CACNA1B: variants seen among roughly 807,000 people sequenced by gnomAD.
The protein encoded by CACNA1B is voltage-dependent N-type calcium channel subunit alpha-1B.
Under a neutral mutation model 247.2 loss-of-function variants are expected in CACNA1B, and 70 were observed. The observed-to-expected ratio is 0.28, with a 90% CI of 0.23 to 0.35. CACNA1B has a LOEUF of 0.35. Ranked by LOEUF, CACNA1B falls within the 10% of genes least tolerant of loss-of-function variation. CACNA1B has a pLI of 1.00. For synonymous variants in CACNA1B, 1,231 were observed against 1,294.4 expected, an observed-to-expected ratio of 0.95 and a Z score of 1.05; for missense variants, 2,367 against 3,197.4, an observed-to-expected ratio of 0.74 and a Z score of 6.26.
rs901226683 is a variant in CACNA1B, at chr9:137,891,365, C to T, written c.530+8482C>T. 2.0e-5 allele frequency: 3 copies of T among 152,728 alleles called. No individual in the cohort carries two copies. Among genetic ancestry groups the T allele is most frequent in the African/African-American group, 4.8e-5 (2 of 41,430 alleles). 9.5% of individuals were successfully genotyped at this position (152,728 alleles called of 1,614,324 possible). ...CGCCCCTCCTGGGGGCTGGCCTGTT[C>T]GAAGCCGTCCGTGGCCTCCGGTCCA... On this transcript the variant is annotated intron_variant, in intron 3 of 46. Coordinates refer to ENST00000371372, the MANE Select transcript of CACNA1B (RefSeq NM_000718.4). The surrounding 1 kb of genome is among the most constrained non-coding windows in gnomAD (Gnocchi z 4.3).
intron 11 of CACNA1B, among the ~76,000 whole-genome samples, chr9:137,972,192 G>T (rs1020688869): frequency 6.6e-6 from 1 of 152,254 alleles, no homozygotes; most frequent in African/African-American, 2.4e-5. Context: ...GCCCCTCCAG[G>T]CCTGGTCTGT....
chr9:137,912,025 A>G (rs1957365031), intron 3 of CACNA1B, among the ~76,000 whole-genome samples: 1 of 152,220 alleles, frequency 6.6e-6, no homozygotes, highest in African/African-American at 2.4e-5. Context: ...ACAACTCTGA[A>G]CTTTAGAAAA....
intron 15 of CACNA1B, among the ~76,000 whole-genome samples, chr9:138,005,331 A>G (rs1277738431): frequency 6.6e-6 from 1 of 152,262 alleles, no homozygotes; most frequent in African/African-American, 2.4e-5. Context: ...ATGGAAGTGG[A>G]TGTCATTAAG....
At chr9:137,966,988 AC>A (rs1037692572) in intron 10 of CACNA1B, among the ~76,000 whole-genome samples, 2 of 141,748 alleles carry the variant, frequency 1.4e-5, no homozygotes, top group African/African-American at 2.8e-5. Flanking sequence ...TAAAAAAAAA[AC>A]CCAGTTGTAT....
In CACNA1B at chr9:137,973,365, G is replaced by A. The variant is rs985390360; in HGVS notation, c.1543+1773G>A. 6.6e-6 allele frequency among the ~76,000 whole-genome samples: 1 copy of A among 152,234 alleles called. No homozygotes were observed. The highest frequency in any genetic ancestry group is 2.1e-4 in the South Asian group (1 of 4,836). On this transcript the variant is annotated intron_variant, in intron 11 of 46. Transcript: ENST00000371372. The surrounding 1 kb of genome is among the most constrained non-coding windows in gnomAD (Gnocchi z 4.1). ...GGACAGGCTTGCCAGAGGCGAGGGG[G>A]TGTGGCCGCCCAGCCTAGAGCAGCT...
At chr9:137,920,760 C>G (rs1337060166) in intron 6 of CACNA1B, among the ~76,000 whole-genome samples, 13 of 152,334 alleles carry the variant, frequency 8.5e-5, no homozygotes, top group Non-Finnish European at 7.3e-5. Context: ...AGATCCATAG[C>G]TGCATTTTGA....
At chr9:137,940,215 C>G (rs1261631470) in intron 6 of CACNA1B, among the ~76,000 whole-genome samples, 1 of 152,066 alleles carries the variant, frequency 6.6e-6, no homozygotes, top group Non-Finnish European at 1.5e-5. Context: ...CAAAGAAGCT[C>G]AATTAGAAAT....
chr9:138,082,670 G>A (rs1960562213), intron 36 of CACNA1B, among the ~76,000 whole-genome samples: 1 of 151,300 alleles, frequency 6.6e-6, no homozygotes, highest in Non-Finnish European at 1.5e-5. Flanking sequence ...TTAACAAAAT[G>A]TATAAAGAAC....
Position 137,955,812 on chromosome 9 carries a change from G to A in CACNA1B, c.1185G>A (p.Ala395=), listed in dbSNP as rs376560399. 24 of 1,590,524 alleles carry A rather than the reference G, an allele frequency of 1.5e-5. No individual in the cohort carries two copies. Among genetic ancestry groups the A allele is most frequent in the South Asian group, 4.5e-5 (4 of 88,982 alleles). ...GGTACCTGGAGTGGATCTTCAAGGC[G>A]GGTGAGGGCCCGTGGGAGCCACTGC... is the stretch of plus-strand genomic sequence containing the variant. ...LNGYLEWIFK[A]EEVMLAEEDR... is the part of the protein sequence containing the mutation. Residue 395 remains alanine, a splice_region_variant and synonymous_variant, in exon 8 of 47, where the codon GCG becomes GCA. Coordinates refer to ENST00000371372, the MANE Select transcript of CACNA1B (RefSeq NM_000718.4). This position sits in a 1 kb window ranked among gnomAD's most constrained non-coding sequence, Gnocchi z 6.9.
rs1960151825 is a variant in CACNA1B at position 138,072,058 on chromosome 9, G to T, written c.4675-1430G>T. Among the ~76,000 whole-genome samples the T allele has an allele frequency of 6.6e-6, 1 of 152,012 alleles. No individual in the cohort carries two copies. The highest frequency in any genetic ancestry group is 1.5e-5 in the Non-Finnish European group (1 of 68,004). ...CTACCGTGGAGATTTTCTTTCCCTG[G>T]CACAAGCAGATTACGGAGCTACAGG... On this transcript the variant is annotated intron_variant, in intron 32 of 46. Coordinates refer to ENST00000371372, the MANE Select transcript of CACNA1B (RefSeq NM_000718.4). This position sits in a 1 kb window ranked among gnomAD's most constrained non-coding sequence, Gnocchi z 4.5.
intron 16 of CACNA1B, among the ~76,000 whole-genome samples, chr9:138,009,405 A>C (rs1235568960): frequency 6.6e-6 from 1 of 152,172 alleles, no homozygotes; most frequent in African/African-American, 2.4e-5. Context: ...ACCATGCGGG[A>C]AAAGGAAATG....
At chr9:138,070,937 C>G (rs962879113) in intron 32 of CACNA1B, among the ~76,000 whole-genome samples, 2 of 152,268 alleles carry the variant, frequency 1.3e-5, no homozygotes, top group African/African-American at 4.8e-5. Flanking sequence ...AGCTGGCCCA[C>G]ATCGGGGCCC....
chr9:137,896,980 A>T (rs1957180598), intron 3 of CACNA1B, among the ~76,000 whole-genome samples: 1 of 151,956 alleles, frequency 6.6e-6, no homozygotes, highest in Non-Finnish European at 1.5e-5. Flanking sequence ...TTCATTTCTT[A>T]TATTAGTAAT....
chr9:138,094,712 A>G (rs897800376), intron 36 of CACNA1B, among the ~76,000 whole-genome samples: 2 of 152,188 alleles, frequency 1.3e-5, no homozygotes, highest in African/African-American at 2.4e-5. Flanking sequence ...TATCAAAACA[A>G]TGTGGTACTG....
chr9:137,958,903 C>G (rs1420113843), intron 10 of CACNA1B, among the ~76,000 whole-genome samples: 1 of 152,144 alleles, frequency 6.6e-6, no homozygotes, highest in South Asian at 2.1e-4. Flanking sequence ...GGCCCTCTTT[C>G]TAAATGTTTG....
Position 138,020,402 on chromosome 9 carries a change from C to T in CACNA1B, c.2268-2609C>T, listed in dbSNP as rs1202561157. 6.6e-6 allele frequency among the ~76,000 whole-genome samples: 1 copy of T among 152,194 alleles called. No individual in the cohort carries two copies. The highest frequency in any genetic ancestry group is 1.5e-5 in the Non-Finnish European group (1 of 68,048). On this transcript the variant is annotated intron_variant, in intron 18 of 46. Coordinates refer to ENST00000371372, the MANE Select transcript of CACNA1B (RefSeq NM_000718.4). This position sits in a 1 kb window ranked among gnomAD's most constrained non-coding sequence, Gnocchi z 4.1. Reference sequence around the variant, plus strand: ...ACCAGGACTTTGCCTGGATTAATCACCAGCCACACTTCACTCTAAGTTGGT... The same window carrying T: ...ACCAGGACTTTGCCTGGATTAATCATCAGCCACACTTCACTCTAAGTTGGT...
At chr9:137,937,464 A>G (rs768264816) in intron 6 of CACNA1B, among the ~76,000 whole-genome samples, 1 of 152,202 alleles carries the variant, frequency 6.6e-6, no homozygotes, top group Non-Finnish European at 1.5e-5. Flanking sequence ...CCTAAGAATA[A>G]TTGGCGTTCC....
intron 6 of CACNA1B, among the ~76,000 whole-genome samples, chr9:137,920,690 C>T (rs778500730): frequency 2.0e-5 from 3 of 152,172 alleles, no homozygotes; most frequent in Non-Finnish European, 2.9e-5. Context: ...TGATTATGCA[C>T]GTATGCTTTG....
chr9:138,002,870 G>C (rs1958595972), intron 15 of CACNA1B, among the ~76,000 whole-genome samples: 1 of 150,992 alleles, frequency 6.6e-6, no homozygotes, highest in Admixed American at 6.6e-5. Flanking sequence ...GTGTGATCTT[G>C]GTTCACTGTA....
Sources: gnomAD v4.1 joint callset for allele counts (sites outside exome capture counted in the v4.1 genomes callset) on GRCh38, gnomAD v4.1.1 for gene constraint, Gnocchi (gnomAD v3.1) non-coding constraint, MANE v1.5 for transcripts, NCBI Gene and HGNC (gene_info 2026-07-23, HGNC 2026-07-21) for gene names.